CDK13: variants seen among roughly 807,000 people sequenced by gnomAD.
CDK13 encodes the protein cyclin-dependent kinase 13.
Under a neutral mutation model 137.6 loss-of-function variants are expected in CDK13, and 40 were observed. The ratio of observed to expected loss-of-function variants is 0.29; its 90% confidence interval spans 0.23 to 0.38. CDK13 has a LOEUF of 0.38. Ranked by LOEUF, CDK13 falls within the 10% of genes least tolerant of loss-of-function variation. The pLI, the probability that CDK13 is intolerant of heterozygous loss-of-function variation, is 1.00. For synonymous variants in CDK13, 869 were observed against 760.1 expected, an observed-to-expected ratio of 1.14 and a Z score of -2.36; for missense variants, 1,704 against 1,951.8, an observed-to-expected ratio of 0.87 and a Z score of 2.39.
At chr7:40,034,454 T>C (rs1785442520) in intron 5 of CDK13, among the ~76,000 whole-genome samples, 1 of 151,854 alleles carries the variant, frequency 6.6e-6, no homozygotes, top group Admixed American at 6.6e-5. Flanking sequence ...GCAGGGCTAA[T>C]TTTTTTTCTA....
chr7:39,977,064 A>G (rs1203905084), intron 1 of CDK13, among the ~76,000 whole-genome samples: 2 of 152,156 alleles, frequency 1.3e-5, no homozygotes, highest in Non-Finnish European at 2.9e-5. Flanking sequence ...CATAGAATGG[A>G]GACCGTGCTG....
At chr7:39,958,113 G>A (rs1583905277) in intron 1 of CDK13, among the ~76,000 whole-genome samples, 1 of 152,130 alleles carries the variant, frequency 6.6e-6, no homozygotes, top group Non-Finnish European at 1.5e-5. Context: ...TATTTGGAAA[G>A]TAAAATTGAT....
Position 40,047,832 on chromosome 7 carries a change from A to G in CDK13, c.2555A>G (p.Lys852Arg), listed in dbSNP as rs1280481491. The G allele has an allele frequency of 6.2e-7, 1 of 1,610,550 alleles. No homozygotes were observed. The highest frequency in any genetic ancestry group is 1.3e-5 in the African/African-American group (1 of 74,844). The change falls in exon 7 of 14, where the codon AAA becomes AGA. Residue 852 changes from lysine to arginine, a missense_variant. Lys to Arg is a conservative substitution (Grantham distance 26). Around this residue, in one of 5 missense-constraint regions of CDK13, gnomAD observed 130 missense variants for 362.4 expected, o/e 0.36. Coordinates refer to ENST00000181839, the MANE Select transcript of CDK13 (RefSeq NM_003718.5). ...NILLNNRGQI[K>R]LADFGLARLY... ...CTTATTTCCACCAGAGGGCAGATAA[A>G]ACTTGCAGACTTTGGACTTGCTCGA...
At chr7:39,965,087 G>T (rs1473123222) in intron 1 of CDK13, among the ~76,000 whole-genome samples, 1 of 152,182 alleles carries the variant, frequency 6.6e-6, no homozygotes. Flanking sequence ...GTGCTGAAAA[G>T]AATGTATATT....
At chr7:40,034,066 T>A (rs1785434059) in intron 5 of CDK13, among the ~76,000 whole-genome samples, 1 of 152,210 alleles carries the variant, frequency 6.6e-6, no homozygotes, top group African/African-American at 2.4e-5. Context: ...AACTACATAT[T>A]TTTTTCTGAT....
At chr7:39,967,774 A>G (rs891730743) in intron 1 of CDK13, among the ~76,000 whole-genome samples, 7 of 152,092 alleles carry the variant, frequency 4.6e-5, no homozygotes, top group Non-Finnish European at 8.8e-5. Context: ...TTTTGATGCT[A>G]GCCATTCTAA....
intron 5 of CDK13, among the ~76,000 whole-genome samples, chr7:40,021,643 T>C (rs1287327574): frequency 6.6e-6 from 1 of 152,126 alleles, no homozygotes; most frequent in Non-Finnish European, 1.5e-5. Flanking sequence ...AAAAAAGTAG[T>C]GTTTTATTTA....
intron 11 of CDK13, among the ~76,000 whole-genome samples, chr7:40,082,892 T>G (rs966815489): frequency 5.3e-5 from 8 of 149,810 alleles, no homozygotes; most frequent in Admixed American, 2.7e-4. Flanking sequence ...CTTGAGCCCA[T>G]GAGTTTGAGA....
At chr7:39,989,101 A>G (rs200459629) in intron 2 of CDK13, among the ~76,000 whole-genome samples, 27 of 118,474 alleles carry the variant, frequency 2.3e-4, no homozygotes, top group South Asian at 5.4e-4. Flanking sequence ...AAAAAAAAAA[A>G]AAAAAAAAAA....
chr7:40,037,431 C>G (rs1472363837), intron 5 of CDK13, among the ~76,000 whole-genome samples: 1 of 152,186 alleles, frequency 6.6e-6, no homozygotes, highest in Non-Finnish European at 1.5e-5. Context: ...CATGGGCCTT[C>G]CACAAAGTTG....
At chr7:40,000,624 T>TA (rs1334401676) in intron 4 of CDK13, among the ~76,000 whole-genome samples, 1 of 152,206 alleles carries the variant, frequency 6.6e-6, no homozygotes, top group East Asian at 1.9e-4. Context: ...GGTTAGAAAC[T>TA]ACTGAGGGCA....
chr7:39,974,303 C>T lies in CDK13; in HGVS notation c.1212-13296C>T, dbSNP rs533412173. Reference sequence around the variant, plus strand: ...GTGGTCTTGAACTCCTAGGCTCAAGCGCTCCTCCTGCCTTGGCCTCCCAAG... The same window carrying T: ...GTGGTCTTGAACTCCTAGGCTCAAGTGCTCCTCCTGCCTTGGCCTCCCAAG... On this transcript the variant is annotated intron_variant, in intron 1 of 13. Coordinates refer to ENST00000181839, the MANE Select transcript of CDK13 (RefSeq NM_003718.5). Among the ~76,000 whole-genome samples the T allele has an allele frequency of 8.6e-5, 13 of 152,038 alleles. No individual in the cohort carries two copies. The East Asian group carries it at 2.1e-3, about 25-fold the overall frequency.
chr7:40,077,000 A>C (rs1786559030), intron 9 of CDK13, among the ~76,000 whole-genome samples: 1 of 133,838 alleles, frequency 7.5e-6, no homozygotes, highest in Non-Finnish European at 1.6e-5. Context: ...TTAGTTTTTA[A>C]ATGTTTACCA....
At chr7:40,050,113 G>A (rs1562749585) in intron 7 of CDK13, among the ~76,000 whole-genome samples, 1 of 151,976 alleles carries the variant, frequency 6.6e-6, no homozygotes, top group South Asian at 2.1e-4. Flanking sequence ...CCGATAGCTG[G>A]GATTACAGGC....
intron 5 of CDK13, among the ~76,000 whole-genome samples, chr7:40,042,215 A>G (rs1272271540): frequency 1.3e-5 from 2 of 151,808 alleles, no homozygotes; most frequent in Non-Finnish European, 2.9e-5. Context: ...AGTAGCTGGG[A>G]TTACAGGCTT....
intron 13 of CDK13, 72 bp from the exon 14 acceptor site, chr7:40,094,058 A>C: frequency 6.6e-7 from 1 of 1,524,990 alleles, no homozygotes; most frequent in Non-Finnish European, 8.9e-7. Flanking sequence ...TACCTACAGG[A>C]AACACTGAGT....
chr7:40,003,196 ACACACACACACTCTCTCTCT>A lies in CDK13; in HGVS notation c.2353+1167_2353+1186del, dbSNP rs1288115644. ...CACACACACACACACACACACACAC[ACACACACACACTCTCTCTCT>A]CTCTCTCTCTTACTCTGTTGAGGGA... On this transcript the variant is annotated intron_variant, in intron 5 of 13. Coordinates refer to ENST00000181839, the MANE Select transcript of CDK13 (RefSeq NM_003718.5). 8.4e-5 allele frequency among the ~76,000 whole-genome samples: 9 copies of A among 107,606 alleles called. No homozygotes were observed. In the East Asian group the frequency reaches 1.6e-3, roughly 19 times the overall value. 70.6% of individuals were successfully genotyped at this position (107,606 alleles called of 152,430 possible). A position where few individuals can be genotyped will look rare whatever the true frequency, so the allele number is the denominator to read the frequency against.
At chr7:40,051,652 C>T (rs1185586242) in intron 7 of CDK13, among the ~76,000 whole-genome samples, 1 of 152,166 alleles carries the variant, frequency 6.6e-6, no homozygotes, top group Non-Finnish European at 1.5e-5. Context: ...CAGTTTTCAG[C>T]TTACAACTGT....
intron 9 of CDK13, among the ~76,000 whole-genome samples, chr7:40,068,311 G>T (rs1786328316): frequency 6.6e-6 from 1 of 151,322 alleles, no homozygotes; most frequent in Admixed American, 6.6e-5. Flanking sequence ...AGGCATATTT[G>T]GTTTTTTTTT....
Sources: gnomAD v4.1 joint callset for allele counts (sites outside exome capture counted in the v4.1 genomes callset) on GRCh38, gnomAD v4.1.1 for gene constraint, gnomAD v4.1.1 regional missense constraint, MANE v1.5 for transcripts, NCBI Gene and HGNC (gene_info 2026-07-23, HGNC 2026-07-21) for gene names.